The following COL24A1 variants were observed in gnomAD, a reference collection of about 807,000 sequenced individuals.
The protein encoded by COL24A1 is collagen alpha-1(XXIV) chain.
COL24A1 carries 224 observed loss-of-function variants against 253.9 expected under a neutral mutation model. That is an observed-to-expected ratio of 0.88 (90% CI 0.79 to 0.99). COL24A1 has a LOEUF of 0.99. Ranked by LOEUF, COL24A1 falls within the 50% of genes least tolerant of loss-of-function variation. The pLI is 0.00. For missense variants in COL24A1, 2,131 were observed against 2,068.5 expected (o/e 1.03, Z -0.59); for synonymous variants, 685 against 673.7 (o/e 1.02, Z -0.26).
rs773440729 is a variant in COL24A1, at chr1:85,868,519, C to T, written c.3300G>A (p.Pro1100=). 62 of 1,610,816 alleles carry T rather than the reference C, an allele frequency of 3.8e-5. No individual in the cohort carries two copies. Among genetic ancestry groups the T allele is most frequent in the Middle Eastern group, 3.3e-4 (2 of 6,074 alleles). The part of the protein sequence containing the change: ...PLGRSGQTGL[P]GPEGIVGIPG... ...TGAAAGTGAACCCAGCAGTACTTAC[C>T]GGAAGGCCTGTTTGGCCTGATCTAC... The change falls in exon 37 of 60, where the codon CCG becomes CCA. Residue 1100 remains proline, a splice_region_variant and synonymous_variant. Coordinates refer to ENST00000370571, the MANE Select transcript of COL24A1 (RefSeq NM_152890.7).
At chr1:85,764,903 T>G (rs895456985) in intron 53 of COL24A1, among the ~76,000 whole-genome samples, 1 of 152,170 alleles carries the variant, frequency 6.6e-6, no homozygotes, top group Non-Finnish European at 1.5e-5. Flanking sequence ...CATGTGCTTC[T>G]GCATGACCTA....
intron 47 of COL24A1, among the ~76,000 whole-genome samples, chr1:85,790,125 G>T (rs1460825739): frequency 6.6e-6 from 1 of 152,110 alleles, no homozygotes; most frequent in Non-Finnish European, 1.5e-5. Context: ...AGAAGAAATG[G>T]TACCAGCCCC....
chr1:86,153,394 A>C (rs1360494799), intron 1 of COL24A1, among the ~76,000 whole-genome samples: 1 of 152,242 alleles, frequency 6.6e-6, no homozygotes, highest in Admixed American at 6.5e-5. Context: ...GTTGGAGCTC[A>C]GTAAACATGT....
intron 28 of COL24A1, among the ~76,000 whole-genome samples, chr1:85,900,014 G>T (rs1017911189): frequency 6.6e-6 from 1 of 152,146 alleles, no homozygotes; most frequent in Non-Finnish European, 1.5e-5. Context: ...CTGGAAGAGA[G>T]GACCTGAAAT....
At chr1:86,091,302 AT>A (rs1255299372) in intron 6 of COL24A1, among the ~76,000 whole-genome samples, 1 of 151,960 alleles carries the variant, frequency 6.6e-6, no homozygotes, top group Non-Finnish European at 1.5e-5. Flanking sequence ...AAATAAAATA[AT>A]TTTTTGAGGA....
chr1:85,808,795 A>C (rs1489512053), intron 47 of COL24A1, among the ~76,000 whole-genome samples: 2 of 152,232 alleles, frequency 1.3e-5, no homozygotes, highest in Admixed American at 1.3e-4. Context: ...GCAGCATTGC[A>C]GTAGAGTTTA....
At chr1:86,022,480 C>T (rs1283569921) in intron 17 of COL24A1, 58 bp downstream of exon 17, 15 of 1,467,616 alleles carry the variant, frequency 1.0e-5, no homozygotes, top group Non-Finnish European at 1.4e-5. Flanking sequence ...ATAAGCAGTT[C>T]TTTCTTTTGA....
At chr1:85,797,242 T>A (rs1286553798) in intron 47 of COL24A1, among the ~76,000 whole-genome samples, 2 of 149,942 alleles carry the variant, frequency 1.3e-5, no homozygotes, top group Non-Finnish European at 3.0e-5. Flanking sequence ...AACATTCAAT[T>A]CCCAAATGTT....
chr1:85,966,092 G>A (rs2100720628), intron 22 of COL24A1, among the ~76,000 whole-genome samples: 1 of 152,272 alleles, frequency 6.6e-6, no homozygotes, highest in Admixed American at 6.6e-5. Flanking sequence ...AGATGATGGG[G>A]ATGTGAATCA....
intron 5 of COL24A1, among the ~76,000 whole-genome samples, chr1:86,101,837 T>C (rs922429042): frequency 5.3e-5 from 8 of 152,166 alleles, no homozygotes; most frequent in Admixed American, 6.5e-5. Flanking sequence ...GATGTTGGCA[T>C]ACAGTTTTCT....
chr1:85,857,364 A>G (rs1318600587), intron 37 of COL24A1, among the ~76,000 whole-genome samples: 2 of 151,162 alleles, frequency 1.3e-5, no homozygotes, highest in Non-Finnish European at 2.9e-5. Flanking sequence ...TTCCTTGGCT[A>G]GTACTGAATA....
intron 39 of COL24A1, among the ~76,000 whole-genome samples, chr1:85,843,498 G>A (rs1676844879): frequency 1.3e-5 from 2 of 152,096 alleles, no homozygotes; most frequent in African/African-American, 4.8e-5. Flanking sequence ...AAGAGAGAGA[G>A]AAAAGAAAGG....
At position 86,107,505 on chromosome 1, in the gene COL24A1, G is replaced by T. The variant is rs537271095; in HGVS notation, c.1599+5062C>A. Among the ~76,000 whole-genome samples the T allele has an allele frequency of 2.2e-3, 328 of 147,140 alleles. 2 individuals carry two copies. Among genetic ancestry groups the T allele is most frequent in the African/African-American group, 8.0e-3 (317 of 39,814 alleles). ...TTATATGATACATTTGTGACACAATGGTAATTTATTTATTTATTTATTTAT... is the reference window on the plus strand; with the variant it reads ...TTATATGATACATTTGTGACACAATTGTAATTTATTTATTTATTTATTTAT... On this transcript the variant is annotated intron_variant, in intron 5 of 59. Coordinates refer to ENST00000370571, the MANE Select transcript of COL24A1 (RefSeq NM_152890.7).
At position 85,748,582 on chromosome 1, in the gene COL24A1, C is replaced by T. The variant is rs564193969; in HGVS notation, c.4438-3076G>A. Among the ~76,000 whole-genome samples, 399 of 151,116 alleles carry T rather than the reference C, an allele frequency of 2.6e-3. 2 individuals are homozygous for T. The highest frequency in any genetic ancestry group is 8.9e-3 in the African/African-American group (365 of 41,188). On this transcript the variant is annotated intron_variant, in intron 55 of 59. Coordinates refer to ENST00000370571, the MANE Select transcript of COL24A1 (RefSeq NM_152890.7). ...GGTCTACAGCTCCCAGCGTGAGCCA[C>T]GCAGAAGACGGGTGATTTCTGCATT...
intron 18 of COL24A1, among the ~76,000 whole-genome samples, chr1:86,021,080 A>C (rs1369678220): frequency 2.6e-5 from 4 of 152,204 alleles, no homozygotes; most frequent in African/African-American, 9.7e-5. Flanking sequence ...AATGGGGTAA[A>C]GTTCTGTAAT....
chr1:85,775,883 G>A (rs1053139237), intron 52 of COL24A1, among the ~76,000 whole-genome samples, 174 bp from the exon 53 acceptor site: 9 of 152,066 alleles, frequency 5.9e-5, no homozygotes, highest in Non-Finnish European at 1.0e-4. Context: ...ATAAAGCAAA[G>A]CAAACAAAAA....
chr1:86,035,410 T>G (rs1432509277), intron 12 of COL24A1, among the ~76,000 whole-genome samples: 1 of 152,144 alleles, frequency 6.6e-6, no homozygotes, highest in Non-Finnish European at 1.5e-5. Context: ...TAAGAGATGA[T>G]TGATTTTTTT....
At chr1:85,872,771 G>C (rs1680679934) in intron 35 of COL24A1, among the ~76,000 whole-genome samples, 1 of 152,118 alleles carries the variant, frequency 6.6e-6, no homozygotes, top group Non-Finnish European at 1.5e-5. Context: ...TCAGGACATA[G>C]GCATGGGCAA....
chr1:85,973,408 G>C (rs1692366128), intron 20 of COL24A1, among the ~76,000 whole-genome samples: 1 of 152,110 alleles, frequency 6.6e-6, no homozygotes, highest in Non-Finnish European at 1.5e-5. Context: ...TATATGCAAA[G>C]TATAAATAAG....
Sources: gnomAD v4.1 joint callset for allele counts (sites outside exome capture counted in the v4.1 genomes callset) on GRCh38, gnomAD v4.1.1 for gene constraint, MANE v1.5 for transcripts, NCBI Gene and HGNC (gene_info 2026-07-23, HGNC 2026-07-21) for gene names.